MFAP3L: variants seen among roughly 807,000 people sequenced by gnomAD.
The protein encoded by MFAP3L is microfibril associated protein 3 like.
A neutral mutation model predicts 20.0 loss-of-function variants in MFAP3L; 5 were observed. The ratio of observed to expected loss-of-function variants is 0.25; its 90% CI spans 0.13 to 0.53. The LOEUF (loss-of-function observed/expected upper bound fraction) is 0.53. Among genes scored for constraint, MFAP3L ranks in the 20% least tolerant of loss-of-function variants. The pLI is 0.96. For missense variants in MFAP3L, 409 were observed against 527.5 expected (o/e 0.78, Z 2.20); for synonymous variants, 219 against 213.0 (o/e 1.03, Z -0.25).
intron 1 of MFAP3L, among the ~76,000 whole-genome samples, chr4:170,018,083 T>G (rs2111061516): frequency 6.6e-6 from 1 of 152,322 alleles, no homozygotes; most frequent in African/African-American, 2.4e-5. Context: ...TGGTGACACC[T>G]GCATACAAAG....
intron 2 of MFAP3L, among the ~76,000 whole-genome samples, chr4:169,994,748 G>A (rs534920703): frequency 6.6e-6 from 1 of 152,348 alleles, no homozygotes; most frequent in African/African-American, 2.4e-5. Flanking sequence ...AAATCTGTGA[G>A]ATGTCTAACA....
chr4:169,997,414 T>C (rs1432777837), intron 2 of MFAP3L, among the ~76,000 whole-genome samples: 1 of 152,164 alleles, frequency 6.6e-6, no homozygotes, highest in African/African-American at 2.4e-5. Context: ...AATTCTAGAA[T>C]GTTTGACAAA....
rs906338627 is a variant in MFAP3L, at chr4:169,987,374, C to G, written c.*4004G>C. 8 of 152,108 alleles carry G rather than the reference C, an allele frequency of 5.3e-5. No individual in the cohort carries two copies. The highest frequency in any genetic ancestry group is 4.6e-4 in the Admixed American group (7 of 15,268). The allele number at this position is 152,108 out of a possible 1,614,324, so 9.4% of individuals were successfully genotyped here. ...GGATAGAAACATTTATAGAATTACT[C>G]AATGCCAAAAGGGTACGTGAAGAGC... On this transcript the variant is annotated 3_prime_UTR_variant, in exon 3 of 3. Transcript: ENST00000361618.
At position 170,005,619 on chromosome 4, in the gene MFAP3L, G is replaced by C; in HGVS notation, c.259C>G (p.Leu87Val). The change falls in exon 2 of 3, where the codon CTG becomes GTG. Residue 87 changes from leucine to valine, a missense_variant. Around this residue, in one of 3 missense-constraint regions of MFAP3L, gnomAD observed 113 missense variants for 131.1 expected, o/e 0.86. Transcript: ENST00000361618. ...TTCTCATCCTCTTCTTCTTTCAGCAGCTTGCCAATGGAATTATACCACTTG... is the reference window on the plus strand; with the variant it reads ...TTCTCATCCTCTTCTTCTTTCAGCACCTTGCCAATGGAATTATACCACTTG... ...QFKWYNSIGK[L>V]LKEEEDEKER... 6.2e-7 allele frequency: 1 copy of C among 1,614,162 alleles called. No individual in the cohort carries two copies. The highest frequency in any genetic ancestry group is 8.5e-7 in the Non-Finnish European group (1 of 1,180,028).
intron 1 of MFAP3L, among the ~76,000 whole-genome samples, chr4:170,017,652 GT>G (rs1419591605): frequency 6.6e-6 from 1 of 152,102 alleles, no homozygotes. Context: ...TTAAAATTTT[GT>G]TCATAAAAGC....
intron 1 of MFAP3L, among the ~76,000 whole-genome samples, chr4:170,015,425 A>G (rs150289821): frequency 2.6e-5 from 4 of 152,324 alleles, no homozygotes; most frequent in South Asian, 2.1e-4. Flanking sequence ...ATTCCATTGC[A>G]GTAAATACAA....
intron 1 of MFAP3L, among the ~76,000 whole-genome samples, chr4:170,014,453 G>A (rs946981562): frequency 1.3e-5 from 2 of 152,088 alleles, no homozygotes; most frequent in South Asian, 4.1e-4. Context: ...ACTCTTTTTT[G>A]GCTAGAAAAA....
At chr4:170,012,515 G>A (rs1046667203) in intron 1 of MFAP3L, among the ~76,000 whole-genome samples, 7 of 152,142 alleles carry the variant, frequency 4.6e-5, no homozygotes, top group South Asian at 2.1e-4. Context: ...CAGAGTACAC[G>A]GTCGCTCCTG....
chr4:170,017,061 T>C (rs1460362522), intron 1 of MFAP3L, among the ~76,000 whole-genome samples: 1 of 152,238 alleles, frequency 6.6e-6, no homozygotes, highest in Non-Finnish European at 1.5e-5. Context: ...ATTAAGACCA[T>C]TCAAATTCAC....
intron 1 of MFAP3L, among the ~76,000 whole-genome samples, chr4:170,020,268 G>C (rs1476009240): frequency 6.6e-6 from 1 of 152,116 alleles, no homozygotes; most frequent in Non-Finnish European, 1.5e-5. Flanking sequence ...TCACTATAAA[G>C]ACATTGTTTA....
chr4:170,001,996 C>T (rs1304042537), intron 2 of MFAP3L: 1 of 985,310 alleles, frequency 1.0e-6, no homozygotes, highest in African/African-American at 1.7e-5. Context: ...TGAAATTGCT[C>T]CTTTCCAGGC....
Position 169,991,385 on chromosome 4 carries a change from T to C in MFAP3L, c.1223A>G (p.His408Arg), listed in dbSNP as rs372648387. The C allele has an allele frequency of 1.9e-6, 3 of 1,613,294 alleles. No individual in the cohort carries two copies. The highest frequency in any genetic ancestry group is 1.1e-5 in the South Asian group (1 of 91,006). ...DKNTCIIYES[H>R]V ...AGCTTTTCGGGGTTGGTATTAGACATGGCTTTCGTAAATAATGCAGGTGTT... is the reference window on the plus strand; with the variant it reads ...AGCTTTTCGGGGTTGGTATTAGACACGGCTTTCGTAAATAATGCAGGTGTT... Residue 408 changes from histidine (H) to arginine (R), a missense_variant, in exon 3 of 3, where the codon CAT becomes CGT. By Grantham distance (29) the His-to-Arg change is conservative (BLOSUM62 0). Transcript: ENST00000361618. This position sits in a 1 kb window ranked among gnomAD's most constrained non-coding sequence, Gnocchi z 4.9.
At position 169,988,822 on chromosome 4, in the gene MFAP3L, G is replaced by A. The variant is rs1475028119; in HGVS notation, c.*2556C>T. 5 of 152,252 alleles carry A rather than the reference G, an allele frequency of 3.3e-5. No individual in the cohort carries two copies. Among genetic ancestry groups the A allele is most frequent in the East Asian group, 3.9e-4 (2 of 5,180 alleles). The allele number at this position is 152,252 out of a possible 1,614,324, so 9.4% of individuals were successfully genotyped here. A position where few individuals can be genotyped will look rare whatever the true frequency, so the allele number is the denominator to read the frequency against. Reference sequence around the variant, plus strand: ...GAGAAAGTTTTGAAAATCTACATAAGCTCTCCCCACTGCAGTCTAAAGCAG... The same window carrying A: ...GAGAAAGTTTTGAAAATCTACATAAACTCTCCCCACTGCAGTCTAAAGCAG... On this transcript the variant is annotated 3_prime_UTR_variant, in exon 3 of 3. Coordinates refer to ENST00000361618, the MANE Select transcript of MFAP3L (RefSeq NM_021647.8).
chr4:170,021,318 C>T (rs979418003), intron 1 of MFAP3L, among the ~76,000 whole-genome samples: 21 of 152,120 alleles, frequency 1.4e-4, no homozygotes, highest in Non-Finnish European at 2.9e-4. Context: ...GGTTCTCACT[C>T]CTAAATATCT....
intron 1 of MFAP3L, among the ~76,000 whole-genome samples, chr4:170,025,327 A>T (rs1293077095): frequency 2.6e-5 from 4 of 152,262 alleles, no homozygotes; most frequent in Admixed American, 2.6e-4. Flanking sequence ...TACAAAAAAC[A>T]CTGAGCTTCT....
intron 2 of MFAP3L, chr4:169,994,253 G>A: frequency 1.0e-6 from 1 of 985,314 alleles, no homozygotes; most frequent in African/African-American, 1.7e-5. Context: ...GAGAAGGTGA[G>A]GTTATTTGTG....
In MFAP3L at chr4:169,986,765, TTC is replaced by T. The variant is rs1359284968; in HGVS notation, c.*4611_*4612del. On this transcript the variant is annotated 3_prime_UTR_variant, in exon 3 of 3. Coordinates refer to ENST00000361618, the MANE Select transcript of MFAP3L (RefSeq NM_021647.8). ...GTTCACAGAATCACCAGATTGACAT[TTC>T]TGTCGAGACATTTTTCCATTTTCCA... 6.6e-6 allele frequency: 1 copy of T among 152,218 alleles called. No homozygotes were observed. Among genetic ancestry groups the T allele is most frequent in the Admixed American group, 6.5e-5 (1 of 15,280 alleles). The allele number at this position is 152,218 out of a possible 1,614,324, so 9.4% of individuals were successfully genotyped here. A position where few individuals can be genotyped will look rare whatever the true frequency, so the allele number is the denominator to read the frequency against.
At chr4:169,996,535 T>G in intron 2 of MFAP3L, among the ~76,000 whole-genome samples, 1 of 152,036 alleles carries the variant, frequency 6.6e-6, no homozygotes, top group East Asian at 1.9e-4. Flanking sequence ...GAGCAAGGGC[T>G]TCCTAGAGGA....
chr4:170,020,065 CTGTG>C (rs1739931903), intron 1 of MFAP3L, among the ~76,000 whole-genome samples: 1 of 152,162 alleles, frequency 6.6e-6, no homozygotes, highest in Admixed American at 6.5e-5. Flanking sequence ...GCATGTGGTG[CTGTG>C]TGTGGGGCTT....
Sources: allele counts gnomAD v4.1 joint callset (sites outside exome capture counted in the v4.1 genomes callset), GRCh38; gene constraint gnomAD v4.1.1; regional missense constraint gnomAD v4.1.1; non-coding constraint Gnocchi (gnomAD v3.1); transcripts MANE v1.5; gene names NCBI Gene and HGNC (gene_info 2026-07-23, HGNC 2026-07-21).